ITGBL1: variants seen among roughly 807,000 people sequenced by gnomAD.
ITGBL1 encodes the protein integrin subunit beta like 1.
ITGBL1 carries 51 observed loss-of-function variants against 68.5 expected under a neutral mutation model. The ratio of observed to expected loss-of-function variants is 0.74; its 90% CI spans 0.59 to 0.94. The LOEUF (loss-of-function observed/expected upper bound fraction) is 0.94, where lower values mean the gene tolerates loss of function less well. ITGBL1 is among the 40% of genes least tolerant of loss of function. The pLI is 0.00. For synonymous variants in ITGBL1, 209 were observed against 227.3 expected (o/e 0.92, Z 0.72); for missense variants, 649 against 647.4 (o/e 1.00, Z -0.03).
intron 4 of ITGBL1, among the ~76,000 whole-genome samples, chr13:101,577,275 C>G (rs1042551782): frequency 2.0e-5 from 3 of 152,122 alleles, no homozygotes; most frequent in African/African-American, 7.2e-5. Flanking sequence ...CACAGTTCAT[C>G]AGTGAAGTAG....
chr13:101,559,898 A>G (rs148492772), intron 2 of ITGBL1, among the ~76,000 whole-genome samples: 2 of 152,266 alleles, frequency 1.3e-5, no homozygotes, highest in East Asian at 3.9e-4. Flanking sequence ...TCAAGATTAC[A>G]TGGCTAGTTA....
At chr13:101,711,237 A>C (rs1169259545) in intron 9 of ITGBL1, 1 of 152,212 alleles carries the variant, frequency 6.6e-6, no homozygotes, top group Non-Finnish European at 1.5e-5. Context: ...GATCCAGATA[A>C]TCACGTCCAA....
At chr13:101,627,566 A>G (rs2031829547) in intron 7 of ITGBL1, among the ~76,000 whole-genome samples, 1 of 152,024 alleles carries the variant, frequency 6.6e-6, no homozygotes, top group South Asian at 2.1e-4. Flanking sequence ...CCATGACAGT[A>G]ACATATAGAG....
At chr13:101,627,881 C>T (rs1056042619) in intron 7 of ITGBL1, among the ~76,000 whole-genome samples, 2 of 152,116 alleles carry the variant, frequency 1.3e-5, no homozygotes, top group Non-Finnish European at 1.5e-5. Flanking sequence ...TTCCAAGTTT[C>T]GGCAATTATA....
chr13:101,491,336 A>G (rs1343085648), intron 2 of ITGBL1, among the ~76,000 whole-genome samples: 1 of 152,184 alleles, frequency 6.6e-6, no homozygotes, highest in African/African-American at 2.4e-5. Context: ...AACTTACCCT[A>G]TAAAGCAGAT....
chr13:101,489,988 G>T (rs1594842305), intron 2 of ITGBL1: 1 of 1,492,772 alleles, frequency 6.7e-7, no homozygotes, highest in Non-Finnish European at 9.0e-7. Flanking sequence ...AGTGATGGGA[G>T]CATTTAATAA....
Position 101,454,105 on chromosome 13 carries a change from G to T in ITGBL1, c.316+5G>T. On this transcript the variant is annotated splice_donor_5th_base_variant and intron_variant, in intron 2 of 10. Transcript: ENST00000376180. ...ACGACGGGAGCACCTGTGCAGGTAA[G>T]AGGGCGGCGCTGTCTCCTCCCTCGG... The T allele has an allele frequency of 6.5e-7, 1 of 1,546,680 alleles. No individual in the cohort carries two copies. The highest frequency in any genetic ancestry group is 1.2e-5 in the South Asian group (1 of 81,706).
chr13:101,689,175 C>G (rs999274537), intron 7 of ITGBL1, among the ~76,000 whole-genome samples: 2 of 127,274 alleles, frequency 1.6e-5, no homozygotes, highest in Admixed American at 1.8e-4. Context: ...ACTGCACTGC[C>G]AGCACTCAAG....
At chr13:101,637,341 A>ATTTT in intron 7 of ITGBL1, among the ~76,000 whole-genome samples, 1 of 125,890 alleles carries the variant, frequency 7.9e-6, no homozygotes, top group African/African-American at 3.1e-5. Context: ...TTGGAACAGT[A>ATTTT]TTTTTTTTTT....
rs76478138 is a variant in ITGBL1, at chr13:101,645,354, T to G, written c.1015+47055T>G. Among the ~76,000 whole-genome samples the G allele has an allele frequency of 1.3e-4, 20 of 152,334 alleles. No individual in the cohort carries two copies. In the East Asian group the frequency reaches 3.7e-3, roughly 28 times the overall value. ...ACTTGACACCTTTAAAGCCACCTTT[T>G]CAGGAGCCCACTCAGTGGCTTCTGT... On this transcript the variant is annotated intron_variant, in intron 7 of 10. Coordinates refer to ENST00000376180, the MANE Select transcript of ITGBL1 (RefSeq NM_004791.3).
chr13:101,468,371 A>G (rs1036533823), intron 2 of ITGBL1, among the ~76,000 whole-genome samples: 1 of 152,236 alleles, frequency 6.6e-6, no homozygotes, highest in African/African-American at 2.4e-5. Context: ...TAAGAGTAGT[A>G]TCTACCTATA....
chr13:101,526,836 G>C (rs1410542359), intron 2 of ITGBL1, among the ~76,000 whole-genome samples: 1 of 151,944 alleles, frequency 6.6e-6, no homozygotes, highest in African/African-American at 2.4e-5. Context: ...TATTTGATAA[G>C]TTGCAGGTAT....
intron 2 of ITGBL1, among the ~76,000 whole-genome samples, chr13:101,520,240 C>T (rs1304186264): frequency 1.3e-5 from 2 of 152,138 alleles, no homozygotes; most frequent in Admixed American, 1.3e-4. Context: ...GGGATTTCTT[C>T]ATAACTTTTT....
At chr13:101,702,638 T>A (rs1218715107) in intron 8 of ITGBL1, among the ~76,000 whole-genome samples, 1 of 152,180 alleles carries the variant, frequency 6.6e-6, no homozygotes, top group African/African-American at 2.4e-5. Flanking sequence ...CAATACAGAT[T>A]AAATGATTTC....
intron 7 of ITGBL1, among the ~76,000 whole-genome samples, chr13:101,687,056 T>C (rs1255992166): frequency 1.3e-5 from 2 of 152,074 alleles, no homozygotes; most frequent in South Asian, 2.1e-4. Flanking sequence ...CATTTTTTTA[T>C]TATGAAGTTA....
intron 7 of ITGBL1, among the ~76,000 whole-genome samples, chr13:101,609,321 G>A (rs1458468296): frequency 6.6e-6 from 1 of 152,008 alleles, no homozygotes; most frequent in Non-Finnish European, 1.5e-5. Context: ...CTATCTTTAT[G>A]ATGCACTTGG....
intron 10 of ITGBL1, chr13:101,715,151 G>A (rs1347663344): frequency 5.9e-6 from 1 of 170,508 alleles, no homozygotes; most frequent in African/African-American, 2.4e-5. Context: ...CATTAAGTTA[G>A]ACCTTTGCTT....
chr13:101,541,095 T>A (rs111879588), intron 2 of ITGBL1, among the ~76,000 whole-genome samples: 104,347 of 137,182 alleles, frequency 0.76, 39,797 homozygotes, highest in Middle Eastern at 0.8. Context: ...CACTATGTTG[T>A]ATAGGAGTGG....
At chr13:101,618,251 T>C (rs1447430876) in intron 7 of ITGBL1, among the ~76,000 whole-genome samples, 1 of 152,156 alleles carries the variant, frequency 6.6e-6, no homozygotes, top group Non-Finnish European at 1.5e-5. Context: ...GGTTGATGCC[T>C]ACTATAGATC....
Sources: allele counts gnomAD v4.1 joint callset (sites outside exome capture counted in the v4.1 genomes callset), GRCh38; gene constraint gnomAD v4.1.1; transcripts MANE v1.5; gene names NCBI Gene and HGNC (gene_info 2026-07-23, HGNC 2026-07-21).